Variants in MIPOL1 observed in about 807,000 individuals in gnomAD.
MIPOL1 encodes the protein mirror-image polydactyly gene 1 protein.
In MIPOL1, 57 loss-of-function variants were observed where a neutral mutation model predicts 60.9. That is an observed-to-expected ratio of 0.94 (90% CI 0.76 to 1.17). The LOEUF is 1.17. Ranked by LOEUF, MIPOL1 falls within the 50% of genes most tolerant of loss-of-function variation. The probability of loss-of-function intolerance (pLI) is 0.00; values close to 1 mark genes in which losing one functional copy is unlikely to be tolerated. For synonymous variants in MIPOL1, 179 were observed against 168.8 expected (o/e 1.06, Z -0.47); for missense variants, 551 against 511.6 (o/e 1.08, Z -0.74).
intron 1 of MIPOL1, among the ~76,000 whole-genome samples, chr14:37,228,185 C>G (rs1190060968): frequency 6.6e-6 from 1 of 152,176 alleles, no homozygotes; most frequent in Admixed American, 6.5e-5. Context: ...ACACATTACA[C>G]ATTTTTCTCT....
intron 6 of MIPOL1, among the ~76,000 whole-genome samples, chr14:37,271,360 A>G (rs997880269): frequency 6.6e-6 from 1 of 151,978 alleles, no homozygotes; most frequent in Non-Finnish European, 1.5e-5. Flanking sequence ...AAGCAATTGA[A>G]TTTTGTGATT....
intron 9 of MIPOL1, among the ~76,000 whole-genome samples, chr14:37,309,745 A>G (rs2087135710): frequency 1.3e-5 from 2 of 149,402 alleles, no homozygotes; most frequent in Admixed American, 6.7e-5. Context: ...GGAGTGCAGT[A>G]GTGTGATCTT....
chr14:37,348,302 G>A (rs1242398130), intron 9 of MIPOL1, among the ~76,000 whole-genome samples: 2 of 152,062 alleles, frequency 1.3e-5, no homozygotes, highest in African/African-American at 4.8e-5. Flanking sequence ...CAGCCTGGAA[G>A]GAAAACTAGA....
chr14:37,444,245 G>A (rs1241121321), intron 11 of MIPOL1, among the ~76,000 whole-genome samples: 3 of 152,044 alleles, frequency 2.0e-5, no homozygotes, highest in Non-Finnish European at 2.9e-5. Context: ...AAATACAATT[G>A]ATTTTTACAT....
At chr14:37,359,598 T>G (rs982147239) in intron 9 of MIPOL1, among the ~76,000 whole-genome samples, 1 of 128,672 alleles carries the variant, frequency 7.8e-6, no homozygotes, top group Non-Finnish European at 1.6e-5. Flanking sequence ...TTTGTAGCAA[T>G]TGTGAATGGG....
rs1460600862 is a variant in MIPOL1, at chr14:37,549,605, A to G, written c.*2634A>G. 1 of 151,904 alleles carries G rather than the reference A, an allele frequency of 6.6e-6. No individual in the cohort carries two copies. Among genetic ancestry groups the G allele is most frequent in the Non-Finnish European group, 1.5e-5 (1 of 67,818 alleles). 9.4% of individuals were successfully genotyped at this position (151,904 alleles called of 1,614,324 possible). On this transcript the variant is annotated 3_prime_UTR_variant, in exon 13 of 13. Transcript: ENST00000684589. ...AATCTCTCTGTAAGAAAAAAATTTC[A>G]AAGTAAAGATTTTACTCTTGCAATT...
At chr14:37,322,914 A>T (rs1244937147) in intron 9 of MIPOL1, among the ~76,000 whole-genome samples, 1 of 152,048 alleles carries the variant, frequency 6.6e-6, no homozygotes, top group Non-Finnish European at 1.5e-5. Context: ...TTTTTCTCTC[A>T]TTCTGTAGGT....
intron 7 of MIPOL1, among the ~76,000 whole-genome samples, chr14:37,305,116 C>T (rs980871498): frequency 1.3e-5 from 2 of 151,734 alleles, no homozygotes; most frequent in African/African-American, 2.4e-5. Context: ...CAAATCACCT[C>T]TTTTCTGAAA....
At chr14:37,241,996 A>G (rs967565368) in intron 1 of MIPOL1, among the ~76,000 whole-genome samples, 1 of 152,040 alleles carries the variant, frequency 6.6e-6, no homozygotes, top group African/African-American at 2.4e-5. Flanking sequence ...ATAACAAAGT[A>G]TAATTATAAA....
chr14:37,457,606 A>G (rs1197031160), intron 11 of MIPOL1, among the ~76,000 whole-genome samples: 1 of 152,122 alleles, frequency 6.6e-6, no homozygotes, highest in Non-Finnish European at 1.5e-5. Flanking sequence ...AATGAACTAA[A>G]TATTTTCAGC....
intron 12 of MIPOL1, among the ~76,000 whole-genome samples, chr14:37,511,737 G>A (rs910121737): frequency 3.9e-5 from 6 of 152,030 alleles, no homozygotes; most frequent in African/African-American, 1.4e-4. Context: ...TTACAACCAG[G>A]CTTATAAGGT....
At chr14:37,356,713 C>T (rs2091866855) in intron 9 of MIPOL1, among the ~76,000 whole-genome samples, 1 of 152,204 alleles carries the variant, frequency 6.6e-6, no homozygotes, top group South Asian at 2.1e-4. Context: ...GGAAAGGGAA[C>T]TCCCTGACCC....
intron 7 of MIPOL1, 148 bp from the exon 8 acceptor site, chr14:37,307,908 G>A: frequency 1.6e-6 from 1 of 627,328 alleles, no homozygotes; most frequent in Middle Eastern, 2.6e-4. Context: ...AGTCGAGCAG[G>A]TGGCACTTTA....
chr14:37,445,591 C>G (rs1390850293), intron 11 of MIPOL1, among the ~76,000 whole-genome samples: 3 of 151,440 alleles, frequency 2.0e-5, no homozygotes, highest in African/African-American at 2.4e-5. Flanking sequence ...TCATATGGAA[C>G]CAAAAAAGAG....
chr14:37,498,047 T>G (rs1451464238), intron 11 of MIPOL1, among the ~76,000 whole-genome samples: 1 of 152,210 alleles, frequency 6.6e-6, no homozygotes, highest in African/African-American at 2.4e-5. Context: ...ACAGAATATT[T>G]TATAGCAATA....
chr14:37,360,519 T>C (rs2092162213), intron 9 of MIPOL1, among the ~76,000 whole-genome samples: 1 of 152,344 alleles, frequency 6.6e-6, no homozygotes, highest in Non-Finnish European at 1.5e-5. Context: ...TATTCAGAGA[T>C]TCAAGTTCTT....
At chr14:37,317,308 T>C (rs895803793) in intron 9 of MIPOL1, among the ~76,000 whole-genome samples, 3 of 152,162 alleles carry the variant, frequency 2.0e-5, no homozygotes, top group Non-Finnish European at 4.4e-5. Flanking sequence ...TCTATATAAA[T>C]GAACATAACT....
chr14:37,384,520 T>A (rs1207779878), intron 10 of MIPOL1, among the ~76,000 whole-genome samples: 1 of 151,738 alleles, frequency 6.6e-6, no homozygotes, highest in Admixed American at 6.6e-5. Context: ...ACCAGTTTTT[T>A]AAAAAAAATT....
chr14:37,292,596 T>C (rs1703245477), intron 7 of MIPOL1, among the ~76,000 whole-genome samples: 1 of 148,606 alleles, frequency 6.7e-6, no homozygotes, highest in Admixed American at 6.8e-5. Context: ...TTCTCCTGCC[T>C]CAGCCTCCAG....
Sources: allele counts gnomAD v4.1 joint callset (sites outside exome capture counted in the v4.1 genomes callset), GRCh38; gene constraint gnomAD v4.1.1; transcripts MANE v1.5; gene names NCBI Gene and HGNC (gene_info 2026-07-23, HGNC 2026-07-21).